The following SNTG1 variants were observed in gnomAD, a reference collection of about 807,000 sequenced individuals.
SNTG1 encodes syntrophin gamma 1.
Under a neutral mutation model 74.7 loss-of-function variants are expected in SNTG1, and 39 were observed. The ratio of observed to expected loss-of-function variants is 0.52; its 90% CI spans 0.40 to 0.68. The LOEUF is 0.68. Ranked by LOEUF, SNTG1 falls within the 30% of genes least tolerant of loss-of-function variation. SNTG1 has a pLI of 0.00. For missense variants in SNTG1, 685 were observed against 609.5 expected (o/e 1.12, Z -1.30); for synonymous variants, 254 against 217.1 (o/e 1.17, Z -1.49).
chr8:50,563,833 A>T (rs192793622), intron 12 of SNTG1, among the ~76,000 whole-genome samples: 2 of 152,272 alleles, frequency 1.3e-5, no homozygotes, highest in Admixed American at 1.3e-4. Context: ...TTCCTGCCCA[A>T]TTAGAAATCT....
At chr8:50,484,102 CTCTTTCTTTCTTTCTT>C (rs775691106) in intron 8 of SNTG1, among the ~76,000 whole-genome samples, 2 of 110,846 alleles carry the variant, frequency 1.8e-5, no homozygotes, top group African/African-American at 3.6e-5. Flanking sequence ...CTTTCTTTCT[CTCTTTCTTTCTTTCTT>C]TCTTTCTTTC....
At chr8:50,149,211 A>G (rs1164327837) in intron 1 of SNTG1, among the ~76,000 whole-genome samples, 1 of 152,098 alleles carries the variant, frequency 6.6e-6, no homozygotes, top group Non-Finnish European at 1.5e-5. Context: ...GTCTGTTCAT[A>G]TCCTTCACCC....
At chr8:50,284,649 TC>T (rs1269059200) in intron 2 of SNTG1, among the ~76,000 whole-genome samples, 1 of 152,190 alleles carries the variant, frequency 6.6e-6, no homozygotes, top group Non-Finnish European at 1.5e-5. Flanking sequence ...GAGTCATTGT[TC>T]TTTTTACAGG....
At chr8:50,514,764 G>T (rs981136388) in intron 9 of SNTG1, among the ~76,000 whole-genome samples, 3 of 152,110 alleles carry the variant, frequency 2.0e-5, no homozygotes, top group Non-Finnish European at 4.4e-5. Context: ...TGTCACACAT[G>T]TCCTCCATTT....
At chr8:50,585,007 G>C (rs1353365747) in intron 12 of SNTG1, among the ~76,000 whole-genome samples, 1 of 152,030 alleles carries the variant, frequency 6.6e-6, no homozygotes, top group Non-Finnish European at 1.5e-5. Flanking sequence ...GGGAAGAAGG[G>C]GCAGGCATTG....
At chr8:50,579,713 G>A (rs745487412) in intron 12 of SNTG1, among the ~76,000 whole-genome samples, 3 of 152,236 alleles carry the variant, frequency 2.0e-5, no homozygotes, top group Non-Finnish European at 2.9e-5. Context: ...CAAGTCCCAA[G>A]CTTTGGCAGC....
intron 8 of SNTG1, among the ~76,000 whole-genome samples, chr8:50,501,671 T>C (rs1262944446): frequency 1.3e-5 from 2 of 151,338 alleles, no homozygotes; most frequent in Non-Finnish European, 2.9e-5. Context: ...TTGGCTAGGC[T>C]GGTCTCGAAC....
intron 15 of SNTG1, among the ~76,000 whole-genome samples, chr8:50,697,214 C>T (rs1382006376): frequency 6.6e-6 from 1 of 151,808 alleles, no homozygotes; most frequent in African/African-American, 2.4e-5. Context: ...AATAAGATTG[C>T]CCTCCTTTCA....
rs1469434922 is a variant in SNTG1 at position 50,735,076 on chromosome 8, AATC to A, written c.1285-16922_1285-16920del. Among the ~76,000 whole-genome samples, 3 of 151,012 alleles carry A rather than the reference AATC, an allele frequency of 2.0e-5. No homozygotes were observed. In the East Asian group the frequency reaches 5.9e-4, roughly 30 times the overall value. ...CTTTAATTAATTTACACCACTGTAT[AATC>A]ATTACTACTATCTGTTCATCATCCG... On this transcript the variant is annotated intron_variant, in intron 17 of 18. Coordinates refer to ENST00000642720, the MANE Select transcript of SNTG1 (RefSeq NM_018967.5).
intron 4 of SNTG1, among the ~76,000 whole-genome samples, chr8:50,404,413 C>G (rs2092844141): frequency 6.6e-6 from 1 of 151,980 alleles, no homozygotes; most frequent in African/African-American, 2.4e-5. Flanking sequence ...AAGTTGATTC[C>G]AAAATTTACA....
chr8:50,583,765 T>C (rs899439131), intron 12 of SNTG1, among the ~76,000 whole-genome samples: 44 of 151,968 alleles, frequency 2.9e-4, no homozygotes, highest in Non-Finnish European at 1.0e-4. Context: ...AGATTTGTTT[T>C]TTCTTTTCTT....
intron 2 of SNTG1, among the ~76,000 whole-genome samples, chr8:50,317,884 T>C (rs13260605): frequency 0.47 from 71,479 of 151,502 alleles, 19,206 homozygotes; most frequent in East Asian, 0.83. Context: ...TCGCCCAGGC[T>C]TGAGTGCAGT....
intron 2 of SNTG1, among the ~76,000 whole-genome samples, chr8:50,301,517 A>G (rs933328723): frequency 6.6e-6 from 1 of 152,110 alleles, no homozygotes; most frequent in Non-Finnish European, 1.5e-5. Flanking sequence ...AGTTCTTCAA[A>G]TATACTTACA....
At chr8:50,554,303 A>G (rs1188380876) in intron 12 of SNTG1, among the ~76,000 whole-genome samples, 2 of 152,020 alleles carry the variant, frequency 1.3e-5, no homozygotes, top group Admixed American at 6.6e-5. Context: ...GTGCATGGTC[A>G]ATTTTACCAG....
At chr8:50,301,676 C>T (rs1270580001) in intron 2 of SNTG1, among the ~76,000 whole-genome samples, 4 of 151,728 alleles carry the variant, frequency 2.6e-5, no homozygotes, top group African/African-American at 9.7e-5. Context: ...TATATTGTTG[C>T]AATTTTAGAT....
At chr8:50,589,446 A>G (rs188615813) in intron 12 of SNTG1, among the ~76,000 whole-genome samples, 18 of 152,268 alleles carry the variant, frequency 1.2e-4, no homozygotes, top group Middle Eastern at 3.4e-3. Flanking sequence ...GTTTGGCTCA[A>G]TCACTACTTT....
intron 2 of SNTG1, among the ~76,000 whole-genome samples, chr8:50,209,710 C>T (rs1021329552): frequency 1.3e-5 from 2 of 152,144 alleles, no homozygotes; most frequent in Non-Finnish European, 2.9e-5. Context: ...CACACCAAAA[C>T]CCCATCTGTA....
intron 1 of SNTG1, among the ~76,000 whole-genome samples, chr8:50,007,144 G>GT (rs1204584622): frequency 3.3e-5 from 5 of 152,082 alleles, no homozygotes; most frequent in African/African-American, 1.2e-4. Context: ...GCTTGGTATG[G>GT]TGGGACTCTA....
At chr8:50,475,291 T>C (rs2093688528) in intron 8 of SNTG1, among the ~76,000 whole-genome samples, 1 of 151,982 alleles carries the variant, frequency 6.6e-6, no homozygotes, top group African/African-American at 2.4e-5. Context: ...ATGGTTAAGA[T>C]GGAACATTTT....
Sources: allele counts gnomAD v4.1 joint callset (sites outside exome capture counted in the v4.1 genomes callset), GRCh38; gene constraint gnomAD v4.1.1; transcripts MANE v1.5; gene names NCBI Gene and HGNC (gene_info 2026-07-23, HGNC 2026-07-21).